RPS6KC1: variants seen among roughly 807,000 people sequenced by gnomAD.
The protein encoded by RPS6KC1 is ribosomal protein S6 kinase C1.
Under a neutral mutation model 103.8 loss-of-function variants are expected in RPS6KC1, and 54 were observed. That is an observed-to-expected ratio of 0.52 (90% CI 0.42 to 0.65). The LOEUF (loss-of-function observed/expected upper bound fraction) is 0.65. Ranked by LOEUF, RPS6KC1 falls within the 30% of genes least tolerant of loss-of-function variation. The probability of loss-of-function intolerance (pLI) is 0.00; values close to 1 mark genes in which losing one functional copy is unlikely to be tolerated. For missense variants in RPS6KC1, 1,151 were observed against 1,253.8 expected, an observed-to-expected ratio of 0.92 and a Z score of 1.24; for synonymous variants, 439 against 438.7, an observed-to-expected ratio of 1.00 and a Z score of -0.01.
chr1:213,699,241 C>T, the RPS6KC1 span, among the ~76,000 whole-genome samples: 3 of 152,020 alleles, frequency 2.0e-5, no homozygotes, highest in Non-Finnish European at 4.4e-5. Context: ...AGTAACCATC[C>T]TTCTATTCTC....
At chr1:213,633,592 G>T in the RPS6KC1 span, among the ~76,000 whole-genome samples, 17 of 151,840 alleles carry the variant, frequency 1.1e-4, no homozygotes, top group Admixed American at 7.2e-4. Flanking sequence ...CACTGCAAAA[G>T]CATGCCAAAA....
chr1:213,203,732 G>T (rs1040368486), intron 8 of RPS6KC1, among the ~76,000 whole-genome samples: 3 of 152,050 alleles, frequency 2.0e-5, no homozygotes, highest in Admixed American at 6.5e-5. Flanking sequence ...TACCTACTGA[G>T]AATTATTTTT....
chr1:213,679,158 C>T, the RPS6KC1 span, among the ~76,000 whole-genome samples: 1 of 152,122 alleles, frequency 6.6e-6, no homozygotes, highest in Non-Finnish European at 1.5e-5. Flanking sequence ...CAGTATAAAA[C>T]GAGCCAAGTA....
At chr1:213,373,859 T>C in the RPS6KC1 span, among the ~76,000 whole-genome samples, 2 of 152,228 alleles carry the variant, frequency 1.3e-5, no homozygotes, top group Non-Finnish European at 2.9e-5. Flanking sequence ...AAGGATCTGT[T>C]TGTGGCATTT....
chr1:213,569,856 C>T, the RPS6KC1 span, among the ~76,000 whole-genome samples: 1 of 152,148 alleles, frequency 6.6e-6, no homozygotes, highest in African/African-American at 2.4e-5. Context: ...AAGTGTTGGG[C>T]AGGGCTACAA....
chr1:213,757,299 C>T, the RPS6KC1 span, among the ~76,000 whole-genome samples: 1 of 151,954 alleles, frequency 6.6e-6, no homozygotes, highest in African/African-American at 2.4e-5. Context: ...GTTGTGAATA[C>T]AAAAGAAAAT....
chr1:213,309,159 G>T, the RPS6KC1 span, among the ~76,000 whole-genome samples: 2 of 152,300 alleles, frequency 1.3e-5, 1 homozygote, highest in Non-Finnish European at 2.9e-5. Context: ...GCCGGGCGTG[G>T]TGGCACACGC....
chr1:213,232,131 G>T lies in RPS6KC1; in HGVS notation c.1101G>T (p.Arg367Ser). Residue 367 changes from arginine to serine, a missense_variant, in exon 10 of 15, where the codon AGG (arginine) becomes AGT (serine). Arg to Ser is a moderately radical substitution (Grantham distance 110). Transcript: ENST00000366960. Reference sequence around the variant, plus strand: ...TTTTTGTTCTCTGTCAGGGTCTAAGGAAAAGCAGTGAATACAGCAGGAACA... The same window carrying T: ...TTTTTGTTCTCTGTCAGGGTCTAAGTAAAAGCAGTGAATACAGCAGGAACA... ...TEQTFILKGL[R>S]KSSEYSRNRK... is the part of the protein sequence containing the mutation. 2 of 1,613,782 alleles carry T rather than the reference G, an allele frequency of 1.2e-6. No homozygotes were observed. The highest frequency in any genetic ancestry group is 1.7e-6 in the Non-Finnish European group (2 of 1,179,814).
At chr1:213,437,217 A>G in the RPS6KC1 span, among the ~76,000 whole-genome samples, 1 of 152,014 alleles carries the variant, frequency 6.6e-6, no homozygotes, top group South Asian at 2.1e-4. Flanking sequence ...TAAAAATTAT[A>G]AACAGGTGTT....
chr1:213,231,235 T>C (rs538309143), intron 9 of RPS6KC1, among the ~76,000 whole-genome samples: 2 of 152,342 alleles, frequency 1.3e-5, no homozygotes, highest in East Asian at 3.9e-4. Context: ...ATCACTACAG[T>C]TCTTAAGAGC....
At chr1:213,226,160 T>C (rs2093957214) in intron 8 of RPS6KC1, among the ~76,000 whole-genome samples, 1 of 151,616 alleles carries the variant, frequency 6.6e-6, no homozygotes, top group Admixed American at 6.6e-5. Context: ...GAGGCAGAGC[T>C]TGAAGTGAGC....
At chr1:213,701,451 T>A in the RPS6KC1 span, among the ~76,000 whole-genome samples, 5 of 151,992 alleles carry the variant, frequency 3.3e-5, no homozygotes, top group Non-Finnish European at 4.4e-5. Flanking sequence ...TAAATTCAGG[T>A]TGTTAGTATT....
chr1:213,813,617 T>C, the RPS6KC1 span, among the ~76,000 whole-genome samples: 14 of 152,200 alleles, frequency 9.2e-5, no homozygotes, highest in Non-Finnish European at 1.6e-4. Context: ...TTATTTACTG[T>C]TAGTTTCTCA....
intron 8 of RPS6KC1, among the ~76,000 whole-genome samples, chr1:213,211,898 G>T (rs941978748): frequency 2.6e-5 from 4 of 152,192 alleles, no homozygotes; most frequent in Non-Finnish European, 1.5e-5. Flanking sequence ...ATGGGAAGTA[G>T]AGAAGCATTT....
chr1:213,455,495 G>A, the RPS6KC1 span, among the ~76,000 whole-genome samples: 2 of 152,204 alleles, frequency 1.3e-5, no homozygotes, highest in Non-Finnish European at 2.9e-5. Flanking sequence ...TGGACAAAGG[G>A]AATTTCAGGT....
At chr1:213,600,695 C>T in the RPS6KC1 span, among the ~76,000 whole-genome samples, 1 of 152,228 alleles carries the variant, frequency 6.6e-6, no homozygotes, top group African/African-American at 2.4e-5. Context: ...AGCTCCACTT[C>T]TCCCCACTAG....
chr1:213,402,672 T>TA, the RPS6KC1 span, among the ~76,000 whole-genome samples: 1 of 152,090 alleles, frequency 6.6e-6, no homozygotes. Flanking sequence ...GTATGGCAAA[T>TA]ACGTATGATG....
intron 4 of RPS6KC1, among the ~76,000 whole-genome samples, chr1:213,116,970 C>G (rs1275045958): frequency 6.6e-6 from 1 of 152,146 alleles, no homozygotes; most frequent in Non-Finnish European, 1.5e-5. Context: ...ACCTTTCTCT[C>G]TGGCTGCTCT....
At chr1:213,582,373 A>G in the RPS6KC1 span, among the ~76,000 whole-genome samples, 1 of 152,138 alleles carries the variant, frequency 6.6e-6, no homozygotes, top group Non-Finnish European at 1.5e-5. Flanking sequence ...CTGCCAAGCA[A>G]AAATGAAACC....
Sources: allele counts gnomAD v4.1 joint callset (sites outside exome capture counted in the v4.1 genomes callset), GRCh38; gene constraint gnomAD v4.1.1; transcripts MANE v1.5; gene names NCBI Gene and HGNC (gene_info 2026-07-23, HGNC 2026-07-21).